The following KCNMB2 variants were observed in gnomAD, a reference collection of about 807,000 sequenced individuals.
KCNMB2 encodes the protein potassium calcium-activated channel subfamily M regulatory beta subunit 2, also known as calcium-activated potassium channel subunit beta-2.
KCNMB2 carries 9 observed loss-of-function variants against 24.5 expected under a neutral mutation model. The ratio of observed to expected loss-of-function variants is 0.37; its 90% confidence interval spans 0.22 to 0.64. The LOEUF (loss-of-function observed/expected upper bound fraction) is 0.64, where lower values mean the gene tolerates loss of function less well. KCNMB2 is among the 30% of genes least tolerant of loss of function. The probability of loss-of-function intolerance (pLI) is 0.63; values close to 1 mark genes in which losing one functional copy is unlikely to be tolerated. For synonymous variants in KCNMB2, 109 were observed against 104.4 expected, an observed-to-expected ratio of 1.04 and a Z score of -0.27; for missense variants, 226 against 284.3, an observed-to-expected ratio of 0.79 and a Z score of 1.47.
intron 1 of KCNMB2, among the ~76,000 whole-genome samples, chr3:178,576,561 C>A (rs1362888956): frequency 6.6e-6 from 1 of 152,174 alleles, no homozygotes; most frequent in East Asian, 1.9e-4. Context: ...AGATCCCACC[C>A]CCATGGAGCC....
At position 178,594,702 on chromosome 3, in the gene KCNMB2, A is replaced by C. The variant is rs535953482; in HGVS notation, c.-68+57991A>C. 1.6e-4 allele frequency among the ~76,000 whole-genome samples: 25 copies of C among 152,238 alleles called. No individual in the cohort carries two copies. In the East Asian group the frequency reaches 3.7e-3, roughly 22 times the overall value. On this transcript the variant is annotated intron_variant, in intron 1 of 4. Coordinates refer to ENST00000452583, the MANE Select transcript of KCNMB2 (RefSeq NM_181361.3). ...AATTCAAGGGGGAGGCTGCAACTAC[A>C]TAAATTAACTCAGAAGTTGTCAACA... is the stretch of plus-strand genomic sequence containing the variant.
rs555554577 is a variant in KCNMB2 at position 178,806,528 on chromosome 3, T to C, written c.-67-815T>C. 9.2e-5 allele frequency among the ~76,000 whole-genome samples: 14 copies of C among 152,274 alleles called. No homozygotes were observed. In the South Asian group the frequency reaches 2.9e-3, roughly 32 times the overall value. ...ACCAGTCTTCCTTCCTTTGTTCTAA[T>C]GTGTTAAATATCATTTTAACTTTTA... On this transcript the variant is annotated intron_variant, in intron 1 of 4. Coordinates refer to ENST00000452583, the MANE Select transcript of KCNMB2 (RefSeq NM_181361.3).
At chr3:178,759,156 A>C (rs1244163528) in intron 1 of KCNMB2, among the ~76,000 whole-genome samples, 1 of 75,568 alleles carries the variant, frequency 1.3e-5, no homozygotes, top group East Asian at 3.7e-4. Context: ...ATATATATCT[A>C]TCTCCAAGAG....
chr3:178,689,996 T>C lies in KCNMB2; in HGVS notation c.-67-117347T>C, dbSNP rs114131572. ...TTATGCAAATTTAGATTGTGCAAATTTGAAATAGTGTGATATATTAAAATC... is the reference window on the plus strand; with the variant it reads ...TTATGCAAATTTAGATTGTGCAAATCTGAAATAGTGTGATATATTAAAATC... On this transcript the variant is annotated intron_variant, in intron 1 of 4. Coordinates refer to ENST00000452583, the MANE Select transcript of KCNMB2 (RefSeq NM_181361.3). 9.8e-3 allele frequency among the ~76,000 whole-genome samples: 1,490 copies of C among 151,660 alleles called. 31 individuals are homozygous for C. Among genetic ancestry groups the C allele is most frequent in the African/African-American group, 0.035 (1,438 of 41,518 alleles).
chr3:178,558,492 G>C (rs961706951), intron 1 of KCNMB2, among the ~76,000 whole-genome samples: 1 of 152,154 alleles, frequency 6.6e-6, no homozygotes, highest in Non-Finnish European at 1.5e-5. Context: ...ACTTCTTTCA[G>C]AATTAAGCCT....
intron 1 of KCNMB2, among the ~76,000 whole-genome samples, chr3:178,757,694 A>ATCT (rs1724171998): frequency 1.4e-5 from 1 of 69,510 alleles, no homozygotes; most frequent in Non-Finnish European, 2.8e-5. Flanking sequence ...ATATATATGT[A>ATCT]TATATATCCA....
intron 1 of KCNMB2, among the ~76,000 whole-genome samples, chr3:178,710,404 A>G (rs1722413776): frequency 6.6e-6 from 1 of 152,196 alleles, no homozygotes; most frequent in Non-Finnish European, 1.5e-5. Context: ...AGGGCAGTCT[A>G]GGACTTTGGA....
intron 1 of KCNMB2, among the ~76,000 whole-genome samples, chr3:178,800,899 A>G (rs773592716): frequency 4.6e-5 from 7 of 152,180 alleles, no homozygotes; most frequent in Non-Finnish European, 8.8e-5. Context: ...TGAGGTCATT[A>G]TATTACATGA....
intron 1 of KCNMB2, among the ~76,000 whole-genome samples, chr3:178,737,520 CTG>C (rs1723357192): frequency 6.6e-6 from 1 of 152,108 alleles, no homozygotes; most frequent in South Asian, 2.1e-4. Flanking sequence ...AAAAATGAGA[CTG>C]AGGAATATCA....
intron 1 of KCNMB2, among the ~76,000 whole-genome samples, chr3:178,627,000 C>G (rs921392243): frequency 6.6e-6 from 1 of 151,060 alleles, no homozygotes; most frequent in East Asian, 1.9e-4. Context: ...ATGGCAAAAT[C>G]CAAGGTTATA....
intron 1 of KCNMB2, among the ~76,000 whole-genome samples, chr3:178,743,226 T>C (rs1256117117): frequency 2.0e-5 from 3 of 152,162 alleles, no homozygotes; most frequent in Admixed American, 6.5e-5. Flanking sequence ...TAGAAAGAAG[T>C]TGTAAGTGTC....
At chr3:178,779,053 T>C (rs1712715568) in intron 1 of KCNMB2, among the ~76,000 whole-genome samples, 1 of 152,210 alleles carries the variant, frequency 6.6e-6, no homozygotes, top group Non-Finnish European at 1.5e-5. Context: ...GCAAAAGGAA[T>C]GTGCAGTGAT....
At chr3:178,663,684 A>G (rs895399644) in intron 1 of KCNMB2, among the ~76,000 whole-genome samples, 1 of 152,094 alleles carries the variant, frequency 6.6e-6, no homozygotes, top group Non-Finnish European at 1.5e-5. Flanking sequence ...CTGATACCAA[A>G]ATGATACCAA....
chr3:178,616,941 T>C (rs2108522775), intron 1 of KCNMB2, among the ~76,000 whole-genome samples: 1 of 152,346 alleles, frequency 6.6e-6, no homozygotes, highest in African/African-American at 2.4e-5. Flanking sequence ...GAGGGATAAC[T>C]CCATTTTCTT....
intron 1 of KCNMB2, among the ~76,000 whole-genome samples, chr3:178,726,755 A>G (rs570794573): frequency 1.3e-5 from 2 of 152,238 alleles, no homozygotes; most frequent in South Asian, 2.1e-4. Context: ...AAGATTTCAA[A>G]GTAGAAAAGT....
chr3:178,696,338 T>G (rs923703599), intron 1 of KCNMB2, among the ~76,000 whole-genome samples: 23 of 152,204 alleles, frequency 1.5e-4, no homozygotes, highest in African/African-American at 5.5e-4. Flanking sequence ...GGTGAATGTG[T>G]ACAGGAATTT....
At chr3:178,741,877 T>C (rs9839376) in intron 1 of KCNMB2, among the ~76,000 whole-genome samples, 27,435 of 152,160 alleles carry the variant, frequency 0.18, 3,036 homozygotes, top group African/African-American at 0.3. Flanking sequence ...ATAGGATAGA[T>C]TTAGTCTTCT....
At chr3:178,612,666 G>C (rs1157798193) in intron 1 of KCNMB2, among the ~76,000 whole-genome samples, 7 of 152,022 alleles carry the variant, frequency 4.6e-5, no homozygotes, top group African/African-American at 1.2e-4. Flanking sequence ...GTGAATCAAT[G>C]GGTCTTGTTT....
At chr3:178,629,375 T>C (rs1036459070) in intron 1 of KCNMB2, among the ~76,000 whole-genome samples, 2 of 152,200 alleles carry the variant, frequency 1.3e-5, no homozygotes, top group Admixed American at 6.5e-5. Context: ...AGGTGATTCC[T>C]CCTGAAAGGC....
Sources: gnomAD v4.1 joint callset for allele counts (sites outside exome capture counted in the v4.1 genomes callset) on GRCh38, gnomAD v4.1.1 for gene constraint, MANE v1.5 for transcripts, NCBI Gene and HGNC (gene_info 2026-07-23, HGNC 2026-07-21) for gene names.